The following ASIC2 variants were observed in gnomAD, a reference collection of about 807,000 sequenced individuals.
ASIC2 encodes acid sensing ion channel subunit 2.
In ASIC2, 25 loss-of-function variants were observed where a neutral mutation model predicts 57.3. The observed-to-expected ratio is 0.44, with a 90% CI of 0.32 to 0.61. The LOEUF (loss-of-function observed/expected upper bound fraction) is 0.61. Ranked by LOEUF, ASIC2 falls within the 20% of genes least tolerant of loss-of-function variation. The pLI is 0.06. For synonymous variants in ASIC2, 319 were observed against 307.5 expected (o/e 1.04, Z -0.39); for missense variants, 641 against 738.1 (o/e 0.87, Z 1.52).
intron 1 of ASIC2, among the ~76,000 whole-genome samples, chr17:33,472,078 G>A (rs561950659): frequency 9.3e-4 from 140 of 150,074 alleles, no homozygotes; most frequent in African/African-American, 3.3e-3. Flanking sequence ...GGAGTGCAAT[G>A]GCGTGATCTT....
rs1282858450 is a variant in ASIC2 at position 33,643,818 on chromosome 17, G to A, written c.555+512160C>T. ...TTGACTTGGGGCCTGCATGTAGTAG[G>A]CACTCAATAAATGGTGGCAATCATG... On this transcript the variant is annotated intron_variant, in intron 1 of 9. Coordinates refer to the ASIC2 transcript ENST00000359872. 2.6e-5 allele frequency among the ~76,000 whole-genome samples: 4 copies of A among 152,202 alleles called. No homozygotes were observed. In the East Asian group the frequency reaches 7.7e-4, roughly 29 times the overall value.
intron 1 of ASIC2, among the ~76,000 whole-genome samples, chr17:33,904,792 T>A (rs1267111536): frequency 6.6e-6 from 1 of 152,246 alleles, no homozygotes; most frequent in Non-Finnish European, 1.5e-5. Flanking sequence ...CTTCTGTAAC[T>A]TCTTCCTTAA....
At chr17:33,140,996 T>C (rs979376614) in intron 1 of ASIC2, among the ~76,000 whole-genome samples, 3 of 152,236 alleles carry the variant, frequency 2.0e-5, no homozygotes, top group Non-Finnish European at 2.9e-5. Flanking sequence ...AGCAACACAG[T>C]GGGCTCCTGC....
At chr17:33,261,968 A>G (rs1909300118) in intron 1 of ASIC2, among the ~76,000 whole-genome samples, 1 of 152,178 alleles carries the variant, frequency 6.6e-6, no homozygotes, top group African/African-American at 2.4e-5. Flanking sequence ...GGGCCAGAAG[A>G]TGCTTCTGTA....
intron 1 of ASIC2, among the ~76,000 whole-genome samples, chr17:33,752,331 T>A (rs567784562): frequency 6.6e-6 from 1 of 152,134 alleles, no homozygotes; most frequent in African/African-American, 2.4e-5. Flanking sequence ...AACCCCTTTC[T>A]CTCCACCTCA....
intron 1 of ASIC2, among the ~76,000 whole-genome samples, chr17:33,246,530 G>A (rs890770451): frequency 2.0e-5 from 3 of 152,174 alleles, no homozygotes; most frequent in Non-Finnish European, 4.4e-5. Context: ...GAATGGGGTC[G>A]GGGAACTTCT....
rs778881721 is a variant in ASIC2, at chr17:33,972,857, A to C, written c.555+183121T>G. Reference sequence around the variant, plus strand: ...AATGAAAGAGTCCCAGCCAGCCAGCACTGGAGAAAAGGAGACTGCAAATGC... The same window carrying C: ...AATGAAAGAGTCCCAGCCAGCCAGCCCTGGAGAAAAGGAGACTGCAAATGC... On this transcript the variant is annotated intron_variant, in intron 1 of 9. Transcript: ENST00000359872. Among the ~76,000 whole-genome samples, 89 of 152,220 alleles carry C rather than the reference A, an allele frequency of 5.8e-4. 1 individual carries two copies. Among genetic ancestry groups the C allele is most frequent in the Admixed American group, 2.6e-4 (4 of 15,288 alleles).
intron 1 of ASIC2, among the ~76,000 whole-genome samples, chr17:33,618,768 T>C (rs770019572): frequency 6.6e-6 from 1 of 152,194 alleles, no homozygotes; most frequent in Non-Finnish European, 1.5e-5. Flanking sequence ...CTTTTCCTAC[T>C]TTATGAGCTC....
chr17:33,201,162 T>A (rs1224769943), intron 1 of ASIC2, among the ~76,000 whole-genome samples: 1 of 152,202 alleles, frequency 6.6e-6, no homozygotes. Context: ...TACTTATGTA[T>A]CTTGTTTATT....
chr17:33,471,334 C>T (rs1004315009), intron 1 of ASIC2, among the ~76,000 whole-genome samples: 4 of 152,264 alleles, frequency 2.6e-5, no homozygotes, highest in Admixed American at 1.3e-4. Context: ...GGTTAGCTGT[C>T]GACTGATGAC....
chr17:33,265,788 T>C (rs997571292), intron 1 of ASIC2, among the ~76,000 whole-genome samples: 16 of 152,200 alleles, frequency 1.1e-4, no homozygotes, highest in African/African-American at 3.4e-4. Flanking sequence ...CCAGGGTATT[T>C]TTCACTAGAT....
At position 33,274,820 on chromosome 17, in the gene ASIC2, C is replaced by G. The variant is rs150631248; in HGVS notation, c.708+16588G>C. The stretch of plus-strand genomic sequence containing the variant: ...GGCCCAGAGCGGGCAGCTAAAGAAA[C>G]AGGGTTGTCCAGGAATTAGTGGTAG... On this transcript the variant is annotated intron_variant, in intron 1 of 9. Transcript: ENST00000225823. 2.7e-3 allele frequency among the ~76,000 whole-genome samples: 405 copies of G among 152,290 alleles called. 4 individuals are homozygous for G. The highest frequency in any genetic ancestry group is 9.4e-3 in the African/African-American group (392 of 41,558).
At chr17:33,741,373 T>C (rs1253975894) in intron 1 of ASIC2, among the ~76,000 whole-genome samples, 1 of 152,222 alleles carries the variant, frequency 6.6e-6, no homozygotes, top group East Asian at 1.9e-4. Context: ...TTATGCCTGC[T>C]ACACAGGACT....
At chr17:34,092,478 A>G (rs1029034772) in intron 1 of ASIC2, among the ~76,000 whole-genome samples, 1 of 152,150 alleles carries the variant, frequency 6.6e-6, no homozygotes, top group Admixed American at 6.5e-5. Flanking sequence ...GTGTTGTGCC[A>G]AGGGAGGGCT....
rs760312174 is a variant in ASIC2 at position 33,605,287 on chromosome 17, C to G, written c.556-493220G>C. 2.0e-5 allele frequency among the ~76,000 whole-genome samples: 3 copies of G among 152,336 alleles called. No homozygotes were observed. In the South Asian group the frequency reaches 6.2e-4, roughly 32 times the overall value. ...AGCGGGGAGCCCAGGAAGGAAGACC[C>G]GTCTCATCTCTGAGAATGACAGTGC... On this transcript the variant is annotated intron_variant, in intron 1 of 9. Coordinates refer to the ASIC2 transcript ENST00000359872.
At chr17:34,027,721 A>G (rs1022976094) in intron 1 of ASIC2, among the ~76,000 whole-genome samples, 2 of 152,146 alleles carry the variant, frequency 1.3e-5, no homozygotes, top group Non-Finnish European at 2.9e-5. Context: ...TCGTTAGCAC[A>G]CCCTCCATTG....
intron 1 of ASIC2, among the ~76,000 whole-genome samples, chr17:33,391,540 C>T (rs1247251084): frequency 1.3e-5 from 2 of 152,156 alleles, no homozygotes; most frequent in African/African-American, 4.8e-5. Context: ...TGCCTTTGCC[C>T]TTTTCCTGAC....
intron 1 of ASIC2, among the ~76,000 whole-genome samples, chr17:33,175,702 T>A (rs1328748460): frequency 1.3e-5 from 2 of 152,124 alleles, no homozygotes; most frequent in East Asian, 1.9e-4. Context: ...CTGCCTCCCC[T>A]GTCTGTGCAA....
intron 1 of ASIC2, among the ~76,000 whole-genome samples, chr17:34,080,276 T>C (rs942508583): frequency 2.0e-5 from 3 of 152,182 alleles, no homozygotes; most frequent in South Asian, 2.1e-4. Context: ...TTCATATAGG[T>C]TGCAATGTCA....
Sources: allele counts gnomAD v4.1 joint callset (sites outside exome capture counted in the v4.1 genomes callset), GRCh38; gene constraint gnomAD v4.1.1; transcripts MANE v1.5; gene names NCBI Gene and HGNC (gene_info 2026-07-23, HGNC 2026-07-21).